PTPRN2: variants seen among roughly 807,000 people sequenced by gnomAD.
PTPRN2 encodes the protein protein tyrosine phosphatase receptor type N2, also known as receptor-type tyrosine-protein phosphatase N2.
In PTPRN2, 74 loss-of-function variants were observed where a neutral mutation model predicts 118.8. The observed-to-expected ratio is 0.62, with a 90% CI of 0.52 to 0.76. The LOEUF (loss-of-function observed/expected upper bound fraction) is 0.76, where lower values mean the gene tolerates loss of function less well. PTPRN2 is among the 30% of genes least tolerant of loss of function. The pLI is 0.00. For missense variants in PTPRN2, 1,481 were observed against 1,394.4 expected (o/e 1.06, Z -0.99); for synonymous variants, 641 against 608.0 (o/e 1.05, Z -0.80).
intron 6 of PTPRN2, among the ~76,000 whole-genome samples, chr7:158,147,646 CCATCTCAT>C (rs1820279365): frequency 8.3e-6 from 1 of 119,914 alleles, no homozygotes; most frequent in Non-Finnish European, 1.7e-5. Context: ...CAATGACACC[CCATCTCAT>C]GCCACGTGTC....
chr7:158,466,992 G>A (rs1469933827), intron 2 of PTPRN2, among the ~76,000 whole-genome samples: 1 of 152,232 alleles, frequency 6.6e-6, no homozygotes, highest in Non-Finnish European at 1.5e-5. Context: ...AGTGAGCTGA[G>A]ATCGTGCCAC....
chr7:157,833,868 C>T (rs1807754155), intron 12 of PTPRN2, among the ~76,000 whole-genome samples: 1 of 152,210 alleles, frequency 6.6e-6, no homozygotes. Flanking sequence ...CTTTCTGAGT[C>T]GAATCGGACA....
chr7:157,655,536 G>C (rs1360497510), intron 14 of PTPRN2, among the ~76,000 whole-genome samples: 1 of 152,228 alleles, frequency 6.6e-6, no homozygotes, highest in African/African-American at 2.4e-5. Context: ...TGCAACCTGG[G>C]AACTTAATGG....
chr7:157,806,734 T>A (rs1161449614), intron 12 of PTPRN2, among the ~76,000 whole-genome samples: 3 of 152,208 alleles, frequency 2.0e-5, no homozygotes, highest in Non-Finnish European at 4.4e-5. Flanking sequence ...ATGATTTCCG[T>A]GGCCTGCCAG....
intron 6 of PTPRN2, among the ~76,000 whole-genome samples, chr7:158,146,322 C>A (rs1031621631): frequency 6.6e-6 from 1 of 152,124 alleles, no homozygotes. Flanking sequence ...TCATTAAAGT[C>A]AAAGCCCAGT....
intron 12 of PTPRN2, among the ~76,000 whole-genome samples, chr7:157,889,023 A>G (rs1796645648): frequency 1.3e-5 from 2 of 152,212 alleles, no homozygotes; most frequent in South Asian, 4.1e-4. Context: ...TAACTTTGCA[A>G]TTCCCTGTGA....
chr7:157,815,363 T>C (rs1475370112), intron 12 of PTPRN2, among the ~76,000 whole-genome samples: 2 of 152,258 alleles, frequency 1.3e-5, no homozygotes, highest in Non-Finnish European at 2.9e-5. Context: ...GTGCCAGGCC[T>C]AGGCCTCCGC....
chr7:158,363,216 T>C (rs1320422984), intron 2 of PTPRN2, among the ~76,000 whole-genome samples: 1 of 151,666 alleles, frequency 6.6e-6, no homozygotes, highest in Admixed American at 6.6e-5. Flanking sequence ...CAGGAGAGGC[T>C]ACGGGAGGAC....
At chr7:158,134,428 G>A (rs1381159878) in intron 8 of PTPRN2, among the ~76,000 whole-genome samples, 1 of 152,072 alleles carries the variant, frequency 6.6e-6, no homozygotes. Context: ...CAGCCCTCTA[G>A]AAGCAATGAA....
rs1195269729 is a variant in PTPRN2, at chr7:158,093,053, T to C, written c.1644-11676A>G. 6.6e-6 allele frequency among the ~76,000 whole-genome samples: 1 copy of C among 152,236 alleles called. No homozygotes were observed. Among genetic ancestry groups the C allele is most frequent in the East Asian group, 1.9e-4 (1 of 5,200 alleles). On this transcript the variant is annotated intron_variant, in intron 10 of 22. Coordinates refer to ENST00000389418, the MANE Select transcript of PTPRN2 (RefSeq NM_002847.5). The surrounding 1 kb of genome is among the most constrained non-coding windows in gnomAD (Gnocchi z 4.4). ...TCAATGCCACCACTAGAATCACAAC[T>C]TCGGCGTTCTTGGCTGAGAGCCTTC...
chr7:158,154,308 C>T (rs1161769610), intron 6 of PTPRN2, among the ~76,000 whole-genome samples: 1 of 152,192 alleles, frequency 6.6e-6, no homozygotes, highest in Non-Finnish European at 1.5e-5. Context: ...CTCATGAGCC[C>T]TCTGTGTGAA....
At chr7:157,747,999 T>G (rs374878895) in intron 12 of PTPRN2, among the ~76,000 whole-genome samples, 1 of 122,376 alleles carries the variant, frequency 8.2e-6, no homozygotes, top group Non-Finnish European at 1.7e-5. Flanking sequence ...CTCTGAGCTG[T>G]GGGGTGTCCG....
chr7:158,019,378 G>A (rs1806694447), intron 11 of PTPRN2, among the ~76,000 whole-genome samples: 1 of 152,274 alleles, frequency 6.6e-6, no homozygotes, highest in African/African-American at 2.4e-5. Context: ...GAAGGAGGGG[G>A]CAGAGGCCGT....
intron 11 of PTPRN2, among the ~76,000 whole-genome samples, chr7:157,981,506 T>TA (rs1803148289): frequency 6.6e-6 from 1 of 152,218 alleles, no homozygotes; most frequent in Non-Finnish European, 1.5e-5. Flanking sequence ...GATAAAATAG[T>TA]AAAAACAATA....
chr7:158,524,499 A>T (rs1386920584), intron 1 of PTPRN2, among the ~76,000 whole-genome samples: 54 of 105,036 alleles, frequency 5.1e-4, no homozygotes, highest in African/African-American at 1.8e-3. Context: ...TCTGCCCTGG[A>T]GTGGAGTCGT....
chr7:157,899,586 A>G (rs977097412), intron 11 of PTPRN2, among the ~76,000 whole-genome samples: 2 of 152,224 alleles, frequency 1.3e-5, no homozygotes, highest in African/African-American at 2.4e-5. Context: ...TGTGATTAAT[A>G]CAGGATGAGA....
chr7:158,023,700 T>C (rs957399728), intron 11 of PTPRN2, among the ~76,000 whole-genome samples: 3 of 152,160 alleles, frequency 2.0e-5, no homozygotes, highest in African/African-American at 7.2e-5. Flanking sequence ...TATCTTGAAA[T>C]GAGTAAACAA....
intron 12 of PTPRN2, among the ~76,000 whole-genome samples, chr7:157,699,134 ATAATTCAGG>A (rs1797947634): frequency 6.6e-6 from 1 of 152,258 alleles, no homozygotes; most frequent in African/African-American, 2.4e-5. Flanking sequence ...AAGTAGAACA[ATAATTCAGG>A]TAATTCAGGT....
intron 11 of PTPRN2, among the ~76,000 whole-genome samples, chr7:158,051,202 C>T (rs1035025079): frequency 1.5e-4 from 23 of 151,980 alleles, no homozygotes; most frequent in African/African-American, 5.6e-4. Flanking sequence ...AGCCAGCTCT[C>T]AGCAGTGTCA....
Sources: allele counts gnomAD v4.1 joint callset (sites outside exome capture counted in the v4.1 genomes callset), GRCh38; gene constraint gnomAD v4.1.1; non-coding constraint Gnocchi (gnomAD v3.1); transcripts MANE v1.5; gene names NCBI Gene and HGNC (gene_info 2026-07-23, HGNC 2026-07-21).